The following EYS variants were observed in gnomAD, a reference collection of about 807,000 sequenced individuals.
EYS encodes the protein EGF-like photoreceptor maintenance factor.
In EYS, 250 loss-of-function variants were observed where a neutral mutation model predicts 282.1. The ratio of observed to expected loss-of-function variants is 0.89; its 90% CI spans 0.80 to 0.98. The LOEUF is 0.98. EYS is among the 50% of genes least tolerant of loss of function. EYS has a pLI of 0.00. For synonymous variants in EYS, 1,355 were observed against 1,282.9 expected (o/e 1.06, Z -1.20); for missense variants, 4,016 against 3,709.0 (o/e 1.08, Z -2.15).
At chr6:64,804,499 T>C (rs978711056) in intron 22 of EYS, among the ~76,000 whole-genome samples, 1 of 152,146 alleles carries the variant, frequency 6.6e-6, no homozygotes, top group African/African-American at 2.4e-5. Flanking sequence ...CTATCATAAA[T>C]CCATAATTAT....
At chr6:65,070,311 C>G (rs960702119) in intron 12 of EYS, among the ~76,000 whole-genome samples, 1 of 151,844 alleles carries the variant, frequency 6.6e-6, no homozygotes, top group Non-Finnish European at 1.5e-5. Context: ...CTCAAATCCT[C>G]TTAAGGTAAA....
intron 32 of EYS, among the ~76,000 whole-genome samples, chr6:64,072,052 A>G (rs528202352): frequency 6.6e-6 from 1 of 152,152 alleles, no homozygotes; most frequent in East Asian, 1.9e-4. Flanking sequence ...TTCAAGCTAT[A>G]GAACTTATTG....
At chr6:64,674,050 A>T (rs1769561833) in intron 22 of EYS, among the ~76,000 whole-genome samples, 1 of 152,152 alleles carries the variant, frequency 6.6e-6, no homozygotes, top group African/African-American at 2.4e-5. Context: ...TTAATAAAAA[A>T]TATATATGCA....
intron 2 of EYS, among the ~76,000 whole-genome samples, chr6:65,564,245 C>T (rs1170110948): frequency 6.6e-6 from 1 of 152,114 alleles, no homozygotes; most frequent in Non-Finnish European, 1.5e-5. Flanking sequence ...TAATCATTGA[C>T]TTTCTTCAAA....
intron 22 of EYS, among the ~76,000 whole-genome samples, chr6:64,632,191 C>T (rs1039412371): frequency 5.3e-5 from 8 of 152,028 alleles, no homozygotes; most frequent in Admixed American, 2.6e-4. Context: ...TGAAAAGTAT[C>T]AGATATGTAA....
At chr6:65,137,722 A>G (rs1448605200) in intron 12 of EYS, among the ~76,000 whole-genome samples, 1 of 152,086 alleles carries the variant, frequency 6.6e-6, no homozygotes, top group Non-Finnish European at 1.5e-5. Flanking sequence ...TAGGATTAGT[A>G]CTGGAATGGG....
At chr6:64,823,492 T>C (rs1041533580) in intron 19 of EYS, among the ~76,000 whole-genome samples, 1 of 151,792 alleles carries the variant, frequency 6.6e-6, no homozygotes, top group African/African-American at 2.4e-5. Flanking sequence ...GTTTCGTATG[T>C]TTGAAATATC....
At chr6:64,070,422 G>A (rs2149858740) in intron 32 of EYS, among the ~76,000 whole-genome samples, 1 of 151,880 alleles carries the variant, frequency 6.6e-6, no homozygotes, top group East Asian at 1.9e-4. Flanking sequence ...GTTTGTTATG[G>A]GGAATGTAGA....
At chr6:64,142,663 C>A (rs999581647) in intron 31 of EYS, among the ~76,000 whole-genome samples, 7 of 152,078 alleles carry the variant, frequency 4.6e-5, no homozygotes, top group African/African-American at 1.4e-4. Context: ...GAATGAATTC[C>A]AGCAGTAGTG....
intron 22 of EYS, among the ~76,000 whole-genome samples, chr6:64,806,384 T>C (rs1157789899): frequency 6.6e-6 from 1 of 152,012 alleles, no homozygotes; most frequent in Non-Finnish European, 1.5e-5. Context: ...TATAAGAAAA[T>C]AGCTTCTGTC....
intron 7 of EYS, among the ~76,000 whole-genome samples, chr6:65,399,429 A>G (rs571153379): frequency 1.3e-5 from 2 of 152,142 alleles, no homozygotes; most frequent in Admixed American, 1.3e-4. Flanking sequence ...TAAATTAGTT[A>G]GAAAATATTC....
intron 5 of EYS, among the ~76,000 whole-genome samples, chr6:65,441,312 T>G (rs888125214): frequency 3.3e-5 from 5 of 151,936 alleles, no homozygotes; most frequent in Non-Finnish European, 7.4e-5. Flanking sequence ...GAACTTTTAC[T>G]TTTTAATATT....
chr6:63,915,545 A>C (rs1764400458), intron 35 of EYS, among the ~76,000 whole-genome samples: 1 of 152,206 alleles, frequency 6.6e-6, no homozygotes, highest in African/African-American at 2.4e-5. Context: ...TTATTTAACA[A>C]ATGTATTTTT....
Position 64,921,010 on chromosome 6 carries a change from GA to G in EYS, c.2382-8268del, listed in dbSNP as rs1197099051. Among the ~76,000 whole-genome samples, 3 of 151,972 alleles carry G rather than the reference GA, an allele frequency of 2.0e-5. No homozygotes were observed. In the East Asian group the frequency reaches 5.8e-4, roughly 29 times the overall value. Reference sequence around the variant, plus strand: ...TCAACTGAGCTAGCAAAAGCCAAAGGATTTTTATGCATATGGAAATATTACA... The same window carrying G: ...TCAACTGAGCTAGCAAAAGCCAAAGGTTTTTATGCATATGGAAATATTACA... On this transcript the variant is annotated intron_variant, in intron 15 of 42. Coordinates refer to ENST00000503581, the MANE Select transcript of EYS (RefSeq NM_001142800.2).
intron 1 of EYS, among the ~76,000 whole-genome samples, chr6:65,644,605 C>G (rs750550270): frequency 6.6e-6 from 1 of 152,164 alleles, no homozygotes; most frequent in African/African-American, 2.4e-5. Flanking sequence ...TGCCTAGGCA[C>G]ATAGTCATTA....
chr6:63,823,984 C>A (rs1475046266), intron 36 of EYS, among the ~76,000 whole-genome samples: 1 of 152,186 alleles, frequency 6.6e-6, no homozygotes, highest in African/African-American at 2.4e-5. Flanking sequence ...AGAATAGATA[C>A]TCCAATTTCT....
intron 15 of EYS, among the ~76,000 whole-genome samples, chr6:64,918,910 A>T (rs1331275433): frequency 6.6e-6 from 1 of 152,242 alleles, no homozygotes; most frequent in Non-Finnish European, 1.5e-5. Context: ...GCATGCAATA[A>T]AAATTCAAGT....
chr6:65,008,638 C>A (rs1206087955), intron 13 of EYS, among the ~76,000 whole-genome samples: 2 of 152,194 alleles, frequency 1.3e-5, no homozygotes, highest in East Asian at 1.9e-4. Flanking sequence ...CTTGTCCATA[C>A]CCCTTATGTC....
At chr6:64,572,293 T>C (rs1015265493) in intron 26 of EYS, among the ~76,000 whole-genome samples, 1 of 152,186 alleles carries the variant, frequency 6.6e-6, no homozygotes, top group Non-Finnish European at 1.5e-5. Flanking sequence ...ATAAGAGCTA[T>C]TTATGACAAA....
Sources: allele counts gnomAD v4.1 joint callset (sites outside exome capture counted in the v4.1 genomes callset), GRCh38; gene constraint gnomAD v4.1.1; transcripts MANE v1.5; gene names NCBI Gene and HGNC (gene_info 2026-07-23, HGNC 2026-07-21).